Variants in KLHL2 observed in about 807,000 individuals in gnomAD.
KLHL2 encodes kelch like family member 2.
A neutral mutation model predicts 75.8 loss-of-function variants in KLHL2; 15 were observed. The observed-to-expected ratio is 0.20, with a 90% CI of 0.13 to 0.30. The LOEUF is 0.30. Ranked by LOEUF, KLHL2 falls within the 10% of genes least tolerant of loss-of-function variation. KLHL2 has a pLI of 1.00. For synonymous variants in KLHL2, 214 were observed against 251.9 expected (o/e 0.85, Z 1.42); for missense variants, 381 against 741.0 (o/e 0.51, Z 5.64).
chr4:165,305,488 C>T (rs943121278), intron 8 of KLHL2, 120 bp from the exon 9 acceptor site: 19 of 761,672 alleles, frequency 2.5e-5, no homozygotes, highest in East Asian at 5.0e-5. Context: ...TGTTTGTATT[C>T]GCCAGCTCAC....
rs1161931013 is a variant in KLHL2, at chr4:165,322,722, A to G, written c.*662A>G. ...GAGTTGTATTTTTTGATATTTAACA[A>G]TGCTTAACACTTTAAATGCCACTTC... On this transcript the variant is annotated 3_prime_UTR_variant, in exon 15 of 15. Transcript: ENST00000226725. 2.0e-5 allele frequency: 3 copies of G among 152,632 alleles called. No homozygotes were observed. The highest frequency in any genetic ancestry group is 4.8e-5 in the African/African-American group (2 of 41,452). 9.5% of individuals were successfully genotyped at this position (152,632 alleles called of 1,614,324 possible).
rs955907108 is a variant in KLHL2 at position 165,270,090 on chromosome 4, C to A, written c.544+6731C>A. Among the ~76,000 whole-genome samples the A allele has an allele frequency of 4.6e-5, 7 of 152,276 alleles. 1 individual carries two copies. Among genetic ancestry groups the A allele is most frequent in the Admixed American group, 1.3e-4 (2 of 15,302 alleles). On this transcript the variant is annotated intron_variant, in intron 5 of 14. Transcript: ENST00000226725. ...AATTTGATCTTCAATCAGTGATATC[C>A]TTTCTTCCACTTGGTCGAATCGGCT...
At chr4:165,310,841 G>C (rs934314604) in intron 10 of KLHL2, 91 bp downstream of exon 10, 14 of 921,066 alleles carry the variant, frequency 1.5e-5, no homozygotes, top group Admixed American at 1.1e-4. Flanking sequence ...TAGGGCACAT[G>C]TGAGGTTTTT....
Position 165,299,655 on chromosome 4 carries a change from A to G in KLHL2, c.920A>G (p.Lys307Arg). The change falls in exon 8 of 15, where the codon AAA becomes AGA. Residue 307 changes from lysine (K) to arginine (R), a missense_variant and splice_region_variant. This residue lies in a region of KLHL2 where 168 missense variants were observed against 370.4 expected (regional missense o/e 0.45). Coordinates refer to ENST00000226725, the MANE Select transcript of KLHL2 (RefSeq NM_007246.4). The stretch of plus-strand genomic sequence containing the variant: ...CTGAGGACACCCATGAACCTTCCCA[A>G]AGTAGGATCTGTTTCTCATGCTTGT... Reference protein sequence around the residue: ...TRLRTPMNLPKLMVVVGGQAP... With the variant: ...TRLRTPMNLPRLMVVVGGQAP... 1 of 1,598,198 alleles carries G rather than the reference A, an allele frequency of 6.3e-7. No homozygotes were observed. The highest frequency in any genetic ancestry group is 8.5e-7 in the Non-Finnish European group (1 of 1,173,936).
rs141303129 is a variant in KLHL2 at position 165,228,716 on chromosome 4, A to C, written c.153-91A>C. ...TTTTACGTTAGTCTCCACTTGATGA[A>C]AGTGGGCTTTACTGTAATATTTTTG... On this transcript the variant is annotated intron_variant, in intron 2 of 14. Coordinates refer to ENST00000226725, the MANE Select transcript of KLHL2 (RefSeq NM_007246.4). 4.0e-3 allele frequency: 2,885 copies of C among 716,814 alleles called. 45 individuals carry two copies. Among genetic ancestry groups the C allele is most frequent in the African/African-American group, 0.037 (2,130 of 56,816 alleles). 44.4% of individuals were successfully genotyped at this position (716,814 alleles called of 1,614,324 possible).
At chr4:165,291,449 G>A (rs1432361431) in intron 5 of KLHL2, among the ~76,000 whole-genome samples, 1 of 152,062 alleles carries the variant, frequency 6.6e-6, no homozygotes, top group Non-Finnish European at 1.5e-5. Context: ...TCTTCTAGAA[G>A]CTAAATTTTG....
Position 165,314,081 on chromosome 4 carries a change from A to G in KLHL2, c.1524A>G (p.Leu508=), listed in dbSNP as rs1746423040. The G allele has an allele frequency of 6.2e-7, 1 of 1,613,694 alleles. No individual in the cohort carries two copies. Among genetic ancestry groups the G allele is most frequent in the Admixed American group, 1.7e-5 (1 of 60,006 alleles). Residue 508 remains leucine (L), a synonymous_variant, in exon 13 of 15, where the codon TTA becomes TTG. Transcript: ENST00000226725. Reference sequence around the variant, plus strand: ...CTGTAGGAGGTCATGATGGCCCTTTAGTACGAAAAAGTGTTGAAGTATATG... The same window carrying G: ...CTGTAGGAGGTCATGATGGCCCTTTGGTACGAAAAAGTGTTGAAGTATATG... ...LYAVGGHDGP[L]VRKSVEVYDP...
intron 5 of KLHL2, chr4:165,278,658 G>A (rs780813102): frequency 5.6e-6 from 9 of 1,597,944 alleles, no homozygotes; most frequent in East Asian, 4.5e-5. Context: ...CTTAGCCAGC[G>A]AATAACAGCA....
intron 6 of KLHL2, among the ~76,000 whole-genome samples, chr4:165,297,299 G>A (rs1744988455): frequency 6.6e-6 from 1 of 151,864 alleles, no homozygotes; most frequent in Non-Finnish European, 1.5e-5. Context: ...TTATGTGTAT[G>A]GTCTAACATT....
At chr4:165,262,578 GTTGTT>G (rs1169999145) in intron 4 of KLHL2, among the ~76,000 whole-genome samples, 1 of 151,966 alleles carries the variant, frequency 6.6e-6, no homozygotes, top group Admixed American at 6.6e-5. Flanking sequence ...TTTTGTTGTT[GTTGTT>G]TTGTTTTGTT....
At chr4:165,264,757 T>TATAC in intron 5 of KLHL2, among the ~76,000 whole-genome samples, 1 of 88,906 alleles carries the variant, frequency 1.1e-5, no homozygotes, top group South Asian at 3.2e-4. Flanking sequence ...TATATATATA[T>TATAC]ATATATATAA....
chr4:165,218,511 C>T (rs561112314), intron 1 of KLHL2, among the ~76,000 whole-genome samples: 3 of 152,266 alleles, frequency 2.0e-5, no homozygotes, highest in Non-Finnish European at 4.4e-5. Context: ...CACCCCTCCA[C>T]CGTCCCCACA....
At chr4:165,279,660 G>C in intron 5 of KLHL2, 1 of 1,608,894 alleles carries the variant, frequency 6.2e-7, no homozygotes, top group South Asian at 1.1e-5. Context: ...CCAGCTTCAG[G>C]TCCGCCCGCG....
At chr4:165,260,617 AT>A (rs1370826883) in intron 4 of KLHL2, among the ~76,000 whole-genome samples, 2 of 151,214 alleles carry the variant, frequency 1.3e-5, no homozygotes, top group South Asian at 2.1e-4. Context: ...CCAACGACTA[AT>A]TTTTTTTTCA....
At chr4:165,216,007 C>T (rs1026448219) in intron 1 of KLHL2, among the ~76,000 whole-genome samples, 3 of 152,150 alleles carry the variant, frequency 2.0e-5, no homozygotes, top group Non-Finnish European at 4.4e-5. Flanking sequence ...TTCTCTTTCA[C>T]GCTGCTGAAA....
At chr4:165,278,563 G>A (rs1490801149) in intron 5 of KLHL2, 4 of 1,610,826 alleles carry the variant, frequency 2.5e-6, no homozygotes, top group Non-Finnish European at 8.5e-7. Flanking sequence ...AAAATGCTGG[G>A]ACGAAGTAGC....
intron 5 of KLHL2, among the ~76,000 whole-genome samples, chr4:165,273,156 G>A (rs1037656929): frequency 2.0e-5 from 3 of 152,140 alleles, no homozygotes; most frequent in African/African-American, 4.8e-5. Flanking sequence ...TATAACCTTC[G>A]TTACTCCCCT....
At chr4:165,215,373 T>C (rs1169802016) in intron 1 of KLHL2, among the ~76,000 whole-genome samples, 2 of 152,226 alleles carry the variant, frequency 1.3e-5, no homozygotes, top group Non-Finnish European at 2.9e-5. Flanking sequence ...ATCCTGGATT[T>C]GTTTATGAGA....
chr4:165,268,109 A>G (rs1742385045), intron 5 of KLHL2, among the ~76,000 whole-genome samples: 1 of 152,144 alleles, frequency 6.6e-6, no homozygotes, highest in African/African-American at 2.4e-5. Flanking sequence ...AGAGGAATTT[A>G]TAGTATTCTC....
Sources: allele counts gnomAD v4.1 joint callset (sites outside exome capture counted in the v4.1 genomes callset), GRCh38; gene constraint gnomAD v4.1.1; regional missense constraint gnomAD v4.1.1; transcripts MANE v1.5; gene names NCBI Gene and HGNC (gene_info 2026-07-23, HGNC 2026-07-21).